ZC3H13: variants seen among roughly 807,000 people sequenced by gnomAD.
ZC3H13 encodes zinc finger CCCH-type containing 13, also known as zinc finger CCCH domain-containing protein 13.
Under a neutral mutation model 204.1 loss-of-function variants are expected in ZC3H13, and 64 were observed. The ratio of observed to expected loss-of-function variants is 0.31; its 90% CI spans 0.26 to 0.39. The LOEUF is 0.39. ZC3H13 is among the 10% of genes least tolerant of loss of function. ZC3H13 has a pLI of 1.00. For synonymous variants in ZC3H13, 667 were observed against 693.7 expected, an observed-to-expected ratio of 0.96 and a Z score of 0.60; for missense variants, 1,833 against 2,082.7, an observed-to-expected ratio of 0.88 and a Z score of 2.33.
intron 4 of ZC3H13, among the ~76,000 whole-genome samples, chr13:46,034,045 A>G (rs1366615820): frequency 2.0e-5 from 3 of 152,184 alleles, no homozygotes; most frequent in African/African-American, 4.8e-5. Flanking sequence ...GATCAGAAAC[A>G]GCCAATAAAC....
At chr13:46,005,347 C>T (rs1378463339) in intron 7 of ZC3H13, among the ~76,000 whole-genome samples, 1 of 152,180 alleles carries the variant, frequency 6.6e-6, no homozygotes. Flanking sequence ...TCTTGGATCT[C>T]TCCTCCATGT....
intron 8 of ZC3H13, among the ~76,000 whole-genome samples, chr13:45,990,786 T>C (rs2039913280): frequency 6.6e-6 from 1 of 151,818 alleles, no homozygotes; most frequent in African/African-American, 2.4e-5. Context: ...AATTTCAATG[T>C]CATTAGGTTC....
At position 46,010,514 on chromosome 13, in the gene ZC3H13, A is replaced by C; in HGVS notation, c.589-9T>G. 1 of 1,603,080 alleles carries C rather than the reference A, an allele frequency of 6.2e-7. No individual in the cohort carries two copies. Among genetic ancestry groups the C allele is most frequent in the Non-Finnish European group, 8.5e-7 (1 of 1,171,480 alleles). On this transcript the variant is annotated splice_polypyrimidine_tract_variant and intron_variant, in intron 6 of 18. Transcript: ENST00000679008. ...ACCACTTCTGGTGAAACCTTTAAAA[A>C]AATTCAGTAAGTCAATTCAGAAATT...
chr13:46,007,038 G>A (rs560164072), intron 7 of ZC3H13, among the ~76,000 whole-genome samples: 1 of 151,828 alleles, frequency 6.6e-6, no homozygotes, highest in East Asian at 1.9e-4. Context: ...AGATAAAAAC[G>A]GATCAATAAT....
At chr13:46,021,227 A>G (rs952440569) in intron 4 of ZC3H13, among the ~76,000 whole-genome samples, 1 of 151,998 alleles carries the variant, frequency 6.6e-6, no homozygotes, top group Non-Finnish European at 1.5e-5. Context: ...TACTGCTGCT[A>G]AAAAACAGGT....
chr13:46,029,196 A>G (rs1043031907), intron 4 of ZC3H13, among the ~76,000 whole-genome samples: 1 of 152,158 alleles, frequency 6.6e-6, no homozygotes, highest in Non-Finnish European at 1.5e-5. Flanking sequence ...AAACTTGACA[A>G]CCTACATGAA....
intron 5 of ZC3H13, among the ~76,000 whole-genome samples, chr13:46,014,257 T>C (rs757207569): frequency 1.6e-4 from 24 of 152,142 alleles, no homozygotes; most frequent in Non-Finnish European, 3.4e-4. Context: ...TGGTGGTTTG[T>C]ACCTATAGGT....
rs377049922 is a variant in ZC3H13 at position 45,969,000 on chromosome 13, T to G, written c.3544A>C (p.Lys1182Gln). Residue 1182 changes from lysine (K) to glutamine (Q), a missense_variant, in exon 14 of 19, where the codon AAG becomes CAG. By Grantham distance (53) the Lys-to-Gln change is moderately conservative. Around this residue, in one of 5 missense-constraint regions of ZC3H13, gnomAD observed 1,574 missense variants for 1,757.2 expected, o/e 0.90. Transcript: ENST00000679008. ...CTGCTCCTCTTTTGATCCATAGGCT[T>G]GCGATGCTGTGCATCTTCTATAGTC... is the stretch of plus-strand genomic sequence containing the variant. ...HVTIEDAQHR[K>Q]PMDQKRSSSL... 6 of 1,614,104 alleles carry G rather than the reference T, an allele frequency of 3.7e-6. No individual in the cohort carries two copies. Among genetic ancestry groups the G allele is most frequent in the Non-Finnish European group, 5.1e-6 (6 of 1,180,040 alleles).
At chr13:45,985,239 TAGG>T (rs947289047) in intron 10 of ZC3H13, 55 bp downstream of exon 10, 30 of 1,425,922 alleles carry the variant, frequency 2.1e-5, no homozygotes, top group Non-Finnish European at 2.6e-5. Flanking sequence ...TTAGAAATCT[TAGG>T]AGATTTTATA....
Position 45,999,641 on chromosome 13 carries a change from G to A in ZC3H13, c.944+3498C>T, listed in dbSNP as rs78610288. On this transcript the variant is annotated intron_variant, in intron 8 of 18. Coordinates refer to ENST00000679008, the MANE Select transcript of ZC3H13 (RefSeq NM_001330564.2). Reference sequence around the variant, plus strand: ...GAACTTCTCTAAGTCATCCATGAACGTTGTAATTGACTTCTTTTAACTTCT... The same window carrying A: ...GAACTTCTCTAAGTCATCCATGAACATTGTAATTGACTTCTTTTAACTTCT... Among the ~76,000 whole-genome samples the A allele has an allele frequency of 4.3e-3, 654 of 152,264 alleles. 8 individuals carry two copies. In the East Asian group the frequency reaches 0.044, roughly 10 times the overall value.
At position 45,988,884 on chromosome 13, in the gene ZC3H13, C is replaced by A; in HGVS notation, c.1158G>T (p.Gln386His). ...TTGGAGAGCGATGTCTTGGAGGACT[C>A]TGCTTTCTCTGGGGAGACGACAAAG... ...SHSLSSPQRKQSPPRHRSPMR... is the reference protein window; with the variant it reads ...SHSLSSPQRKHSPPRHRSPMR... Residue 386 changes from glutamine to histidine, a missense_variant, in exon 9 of 19, where the codon CAG becomes CAT. Gln to His is a conservative substitution (Grantham distance 24). Around this residue, in one of 5 missense-constraint regions of ZC3H13, gnomAD observed 1,574 missense variants for 1,757.2 expected, o/e 0.90. Transcript: ENST00000679008. The A allele has an allele frequency of 8.7e-6, 14 of 1,614,170 alleles. No homozygotes were observed. The highest frequency in any genetic ancestry group is 1.2e-5 in the Non-Finnish European group (14 of 1,180,036).
chr13:46,002,460 T>C (rs1477491464), intron 8 of ZC3H13, among the ~76,000 whole-genome samples: 1 of 152,198 alleles, frequency 6.6e-6, no homozygotes, highest in Admixed American at 6.5e-5. Flanking sequence ...AAAGGGATTA[T>C]TTACACATTC....
intron 14 of ZC3H13, 73 bp downstream of exon 14, chr13:45,968,664 ATTTAGCATTAC>A: frequency 6.8e-7 from 1 of 1,479,764 alleles, no homozygotes; most frequent in Non-Finnish European, 9.0e-7. Context: ...AAAGTAACCA[ATTTAGCATTAC>A]TTTAGAATTA....
chr13:46,001,949 TG>T (rs1054681496), intron 8 of ZC3H13, among the ~76,000 whole-genome samples: 18 of 145,194 alleles, frequency 1.2e-4, no homozygotes, highest in African/African-American at 4.6e-4. Flanking sequence ...ATTAACAGAG[TG>T]AAAAAAAAAA....
intron 1 of ZC3H13, among the ~76,000 whole-genome samples, chr13:46,048,690 C>T (rs1050979643): frequency 2.0e-5 from 3 of 151,450 alleles, no homozygotes; most frequent in African/African-American, 7.3e-5. Context: ...CCTCACCCTA[C>T]GCCCATATTC....
intron 8 of ZC3H13, among the ~76,000 whole-genome samples, chr13:45,992,278 T>C (rs567501826): frequency 1.3e-5 from 2 of 152,278 alleles, no homozygotes; most frequent in South Asian, 4.1e-4. Flanking sequence ...AGTGAGCACA[T>C]ACTAAGCTCC....
At chr13:46,011,308 A>G (rs1593665257) in intron 6 of ZC3H13, 107 bp downstream of exon 6, 5 of 1,005,138 alleles carry the variant, frequency 5.0e-6, no homozygotes, top group Non-Finnish European at 7.0e-6. Context: ...GTTGATCAAT[A>G]TATCAGTATA....
At chr13:45,990,798 A>G (rs1008936150) in intron 8 of ZC3H13, among the ~76,000 whole-genome samples, 6 of 151,494 alleles carry the variant, frequency 4.0e-5, no homozygotes, top group African/African-American at 1.5e-4. Context: ...ATTAGGTTCT[A>G]GTAAATTTTT....
At chr13:46,019,005 TTATTG>T (rs2042072751) in intron 5 of ZC3H13, among the ~76,000 whole-genome samples, 1 of 152,140 alleles carries the variant, frequency 6.6e-6, no homozygotes, top group South Asian at 2.1e-4. Flanking sequence ...ATAGCTGCCT[TTATTG>T]CTATTTTGTA....
Sources: gnomAD v4.1 joint callset for allele counts (sites outside exome capture counted in the v4.1 genomes callset) on GRCh38, gnomAD v4.1.1 for gene constraint, gnomAD v4.1.1 regional missense constraint, MANE v1.5 for transcripts, NCBI Gene and HGNC (gene_info 2026-07-23, HGNC 2026-07-21) for gene names.